The following RHOBTB2 variants were observed in gnomAD, a reference collection of about 807,000 sequenced individuals.
RHOBTB2 encodes rho-related BTB domain-containing protein 2.
In RHOBTB2, 39 loss-of-function variants were observed where a neutral mutation model predicts 66.5. The ratio of observed to expected loss-of-function variants is 0.59; its 90% CI spans 0.45 to 0.77. The LOEUF is 0.77. RHOBTB2 is among the 30% of genes least tolerant of loss of function. The probability of loss-of-function intolerance (pLI) is 0.00; values close to 1 mark genes in which losing one functional copy is unlikely to be tolerated. For missense variants in RHOBTB2, 755 were observed against 999.1 expected, an observed-to-expected ratio of 0.76 and a Z score of 3.29; for synonymous variants, 390 against 395.0, an observed-to-expected ratio of 0.99 and a Z score of 0.15.
At chr8:22,959,815 G>C in the RHOBTB2 span, among the ~76,000 whole-genome samples, 227 of 152,042 alleles carry the variant, frequency 1.5e-3, no homozygotes, top group Non-Finnish European at 2.3e-3. Context: ...CAGATGTGAG[G>C]ACTGACCAGG....
At chr8:22,965,805 T>C in the RHOBTB2 span, among the ~76,000 whole-genome samples, 5 of 152,184 alleles carry the variant, frequency 3.3e-5, no homozygotes, top group Non-Finnish European at 7.3e-5. Flanking sequence ...TTGTAAGAGC[T>C]AGAACTATAA....
intron 6 of RHOBTB2, among the ~76,000 whole-genome samples, chr8:23,008,640 A>T (rs1450354131): frequency 6.6e-6 from 1 of 152,138 alleles, no homozygotes; most frequent in Non-Finnish European, 1.5e-5. Context: ...AGATCCCAAG[A>T]AAAGGGGGCA....
upstream of RHOBTB2, among the ~76,000 whole-genome samples, chr8:22,996,140 G>T (rs181900868): frequency 6.6e-6 from 1 of 152,234 alleles, no homozygotes; most frequent in Non-Finnish European, 1.5e-5. Context: ...CAGGAAAACA[G>T]CAGCCGCGTG....
At chr8:22,989,775 G>A (rs920394253) in intron 1 of RHOBTB2, among the ~76,000 whole-genome samples, 1 of 152,214 alleles carries the variant, frequency 6.6e-6, no homozygotes, top group Non-Finnish European at 1.5e-5. Flanking sequence ...TAAAGAGGGT[G>A]ATTTTGACAT....
intron 1 of RHOBTB2, among the ~76,000 whole-genome samples, chr8:22,987,898 G>A (rs994437339): frequency 6.6e-6 from 1 of 152,092 alleles, no homozygotes; most frequent in Non-Finnish European, 1.5e-5. Context: ...ATGTGCCAGC[G>A]GCAGGCCTGG....
At chr8:22,984,208 A>G (rs1810255994), upstream of RHOBTB2, among the ~76,000 whole-genome samples, 1 of 152,272 alleles carries the variant, frequency 6.6e-6, no homozygotes, top group Non-Finnish European at 1.5e-5. Context: ...CCTAAACAGT[A>G]TATAATTTTG....
intron 7 of RHOBTB2, among the ~76,000 whole-genome samples, chr8:23,013,965 C>T (rs1265843765): frequency 6.6e-6 from 1 of 152,176 alleles, no homozygotes; most frequent in Non-Finnish European, 1.5e-5. Flanking sequence ...TTCTAGGTTC[C>T]TCTTGAAGGT....
intron 7 of RHOBTB2, 36 bp from the exon 8 acceptor site, chr8:23,014,654 G>C: frequency 2.5e-6 from 4 of 1,587,766 alleles, no homozygotes; most frequent in Non-Finnish European, 3.5e-6. Flanking sequence ...CAGGTCATGT[G>C]CTTCTTCAGC....
chr8:22,996,559 GTGTGTGTGTC>G (rs1301216090), upstream of RHOBTB2, among the ~76,000 whole-genome samples: 104 of 110,020 alleles, frequency 9.5e-4, 1 homozygote, highest in African/African-American at 3.2e-3. Context: ...GTGTGTGTGT[GTGTGTGTGTC>G]TGTGTGTCTG....
chr8:22,978,496 A>C, the RHOBTB2 span, among the ~76,000 whole-genome samples: 19 of 151,050 alleles, frequency 1.3e-4, no homozygotes, highest in South Asian at 6.2e-4. Context: ...AAAAAAAAAA[A>C]AAACAAAAAA....
At chr8:22,970,129 A>G in the RHOBTB2 span, among the ~76,000 whole-genome samples, 3 of 152,334 alleles carry the variant, frequency 2.0e-5, no homozygotes, top group South Asian at 6.2e-4. Flanking sequence ...TAATTTATAA[A>G]GAAAAGAAAT....
the RHOBTB2 span, among the ~76,000 whole-genome samples, chr8:22,970,753 G>A: frequency 6.6e-6 from 1 of 151,914 alleles, no homozygotes; most frequent in Admixed American, 6.6e-5. Context: ...CACTATGCCC[G>A]ACCACAAAAA....
In RHOBTB2 at chr8:23,006,567, G is replaced by A. The variant is rs1258155495; in HGVS notation, c.483-161G>A. 3 of 698,922 alleles carry A rather than the reference G, an allele frequency of 4.3e-6. No individual in the cohort carries two copies. In the East Asian group the frequency reaches 7.9e-5, roughly 18 times the overall value. 43.3% of individuals were successfully genotyped at this position (698,922 alleles called of 1,614,324 possible). ...TTCTGGAAGAAAAAGGGCTTGGAGT[G>A]GACCTTGAAGGAGCTTGATGGGATT... On this transcript the variant is annotated intron_variant, in intron 4 of 9. Transcript: ENST00000251822. The surrounding 1 kb of genome is among the most constrained non-coding windows in gnomAD (Gnocchi z 6.1).
intron 1 of RHOBTB2, among the ~76,000 whole-genome samples, chr8:23,001,294 C>T (rs1810770942): frequency 6.6e-6 from 1 of 151,752 alleles, no homozygotes; most frequent in Non-Finnish European, 1.5e-5. Flanking sequence ...AGTCTGGAGT[C>T]AGGGAAGAAG....
the RHOBTB2 span, among the ~76,000 whole-genome samples, chr8:22,964,306 T>C: frequency 6.6e-6 from 1 of 152,096 alleles, no homozygotes; most frequent in African/African-American, 2.4e-5. Flanking sequence ...TCACCTTTCT[T>C]ATGAAAATAA....
the RHOBTB2 span, chr8:22,977,981 G>C: frequency 6.6e-6 from 1 of 152,006 alleles, no homozygotes; most frequent in Non-Finnish European, 1.5e-5. Context: ...TCTGCACTAA[G>C]CTCCACATCA....
At chr8:22,964,711 C>T in the RHOBTB2 span, among the ~76,000 whole-genome samples, 3 of 152,096 alleles carry the variant, frequency 2.0e-5, no homozygotes, top group African/African-American at 7.2e-5. Context: ...TATATGAGTT[C>T]TTGTAGCATC....
intron 1 of RHOBTB2, among the ~76,000 whole-genome samples, chr8:23,002,286 C>T (rs1239262290): frequency 1.3e-5 from 2 of 152,228 alleles, no homozygotes; most frequent in African/African-American, 2.4e-5. Flanking sequence ...TGCCTCCTGG[C>T]GCCAGCACAT....
the RHOBTB2 span, among the ~76,000 whole-genome samples, chr8:22,954,102 T>G: frequency 2.6e-5 from 4 of 152,226 alleles, no homozygotes; most frequent in African/African-American, 9.6e-5. Flanking sequence ...ATCATCACTC[T>G]CACACAGACA....
Sources: allele counts gnomAD v4.1 joint callset (sites outside exome capture counted in the v4.1 genomes callset), GRCh38; gene constraint gnomAD v4.1.1; non-coding constraint Gnocchi (gnomAD v3.1); transcripts MANE v1.5; gene names NCBI Gene and HGNC (gene_info 2026-07-23, HGNC 2026-07-21).